The following INSL6 variants were observed in gnomAD, a reference collection of about 807,000 sequenced individuals.
The protein encoded by INSL6 is insulin-like peptide INSL6.
In INSL6, 16 loss-of-function variants were observed where a neutral mutation model predicts 9.4. The observed-to-expected ratio is 1.70, with a 90% CI of 1.15 to 2.59. The LOEUF is 2.59. INSL6 is among the 30% of genes most tolerant of loss of function. The pLI, the probability that INSL6 is intolerant of heterozygous loss-of-function variation, is 0.00. For missense variants in INSL6, 391 were observed against 257.3 expected, an observed-to-expected ratio of 1.52 and a Z score of -3.56; for synonymous variants, 154 against 96.9, an observed-to-expected ratio of 1.59 and a Z score of -3.46.
At chr9:5,164,658 C>T (rs988853510) in intron 1 of INSL6, among the ~76,000 whole-genome samples, 6 of 152,154 alleles carry the variant, frequency 3.9e-5, no homozygotes, top group African/African-American at 1.4e-4. Context: ...CCCACTATCC[C>T]CTAGCAATCA....
chr9:5,075,790 T>C, the INSL6 span, among the ~76,000 whole-genome samples: 4 of 152,184 alleles, frequency 2.6e-5, no homozygotes, highest in African/African-American at 9.7e-5. Context: ...ATCTAAGAAA[T>C]ACATTTTGTA....
chr9:5,095,690 C>T, the INSL6 span, among the ~76,000 whole-genome samples: 2 of 152,190 alleles, frequency 1.3e-5, no homozygotes, highest in African/African-American at 2.4e-5. Context: ...AGTCTCCTAT[C>T]TATCACAATC....
At chr9:5,106,532 C>T in the INSL6 span, among the ~76,000 whole-genome samples, 1 of 152,130 alleles carries the variant, frequency 6.6e-6, no homozygotes, top group African/African-American at 2.4e-5. Context: ...CCATTTGACC[C>T]AGCCATCCCA....
At chr9:5,106,240 T>A in the INSL6 span, among the ~76,000 whole-genome samples, 411 of 152,286 alleles carry the variant, frequency 2.7e-3, 1 homozygote, top group African/African-American at 9.4e-3. Context: ...GGGCAAAGGA[T>A]ATGAACAGAC....
At chr9:5,030,700 A>G in the INSL6 span, among the ~76,000 whole-genome samples, 1 of 152,132 alleles carries the variant, frequency 6.6e-6, no homozygotes, top group African/African-American at 2.4e-5. Context: ...TGTATATATA[A>G]TATTTATTAT....
At chr9:5,044,395 T>C in the INSL6 span, 14 of 1,570,258 alleles carry the variant, frequency 8.9e-6, no homozygotes, top group Non-Finnish European at 1.1e-5. Flanking sequence ...GTTTTTATTA[T>C]CTTGTAGATT....
chr9:5,145,624 A>G (rs1824587761), intron 2 of INSL6, among the ~76,000 whole-genome samples: 1 of 151,898 alleles, frequency 6.6e-6, no homozygotes, highest in Non-Finnish European at 1.5e-5. Flanking sequence ...TCTTTACACA[A>G]TCCCATATTT....
At chr9:5,125,728 T>C (rs1164367238) in intron 3 of INSL6, among the ~76,000 whole-genome samples, 1 of 151,586 alleles carries the variant, frequency 6.6e-6, no homozygotes, top group East Asian at 1.9e-4. Flanking sequence ...TTTCCATTTC[T>C]TTTCTTAATG....
the INSL6 span, among the ~76,000 whole-genome samples, chr9:5,055,188 G>A: frequency 6.6e-6 from 1 of 151,868 alleles, no homozygotes; most frequent in Admixed American, 6.6e-5. Flanking sequence ...ATAACAGAAG[G>A]CATAATTATA....
At chr9:5,174,696 A>C (rs1825258180) in intron 1 of INSL6, among the ~76,000 whole-genome samples, 1 of 152,194 alleles carries the variant, frequency 6.6e-6, no homozygotes. Context: ...TCTATCTGCA[A>C]ACAAGATGAC....
the INSL6 span, chr9:5,054,434 C>T: frequency 2.9e-6 from 2 of 683,668 alleles, no homozygotes. The surrounding 1 kb of genome is among the most constrained non-coding windows in gnomAD (Gnocchi z 4.9). Flanking sequence ...TCAACTTACG[C>T]CACTTGGCCA....
chr9:5,123,401 CGTG>C (rs1311396094), downstream of INSL6, among the ~76,000 whole-genome samples: 6 of 151,898 alleles, frequency 4.0e-5, no homozygotes, highest in Non-Finnish European at 8.8e-5. Context: ...TAAGTGAAAA[CGTG>C]GTATTTGTCT....
chr9:5,013,387 G>T, the INSL6 span, among the ~76,000 whole-genome samples: 2 of 152,160 alleles, frequency 1.3e-5, no homozygotes, highest in East Asian at 3.8e-4. Context: ...AATCAAAATG[G>T]TTATATCTTG....
the INSL6 span, among the ~76,000 whole-genome samples, chr9:5,083,819 T>C: frequency 1.3e-5 from 2 of 152,166 alleles, no homozygotes; most frequent in South Asian, 2.1e-4. Flanking sequence ...ATACTGCTTA[T>C]AGAGAAATTG....
At chr9:5,011,132 T>A in the INSL6 span, among the ~76,000 whole-genome samples, 26 of 152,332 alleles carry the variant, frequency 1.7e-4, no homozygotes, top group Admixed American at 4.6e-4. Flanking sequence ...ACTTTTTGGA[T>A]CGGTGGTTTG....
the INSL6 span, among the ~76,000 whole-genome samples, chr9:5,115,280 C>T: frequency 1.3e-5 from 2 of 152,116 alleles, no homozygotes; most frequent in Non-Finnish European, 2.9e-5. Context: ...CAAAAGAAGA[C>T]ATTTATGTGG....
chr9:5,141,875 C>A (rs1824507661), intron 2 of INSL6, among the ~76,000 whole-genome samples: 1 of 152,032 alleles, frequency 6.6e-6, no homozygotes, highest in Admixed American at 6.5e-5. Context: ...GTATTTAATC[C>A]ATTTTGTGTT....
the INSL6 span, chr9:5,054,528 G>GTT: frequency 6.7e-7 from 1 of 1,496,770 alleles, no homozygotes; most frequent in Non-Finnish European, 9.0e-7. The surrounding 1 kb of genome is among the most constrained non-coding windows in gnomAD (Gnocchi z 4.9). Flanking sequence ...TTTTTGTTTT[G>GTT]TTTTGTTTTT....
intron 2 of INSL6, among the ~76,000 whole-genome samples, chr9:5,143,454 T>C (rs567644542): frequency 6.6e-6 from 1 of 152,176 alleles, no homozygotes; most frequent in African/African-American, 2.4e-5. Context: ...ATTTCTTCTA[T>C]GTTTTCCAGT....
Sources: gnomAD v4.1 joint callset for allele counts (sites outside exome capture counted in the v4.1 genomes callset) on GRCh38, gnomAD v4.1.1 for gene constraint, Gnocchi (gnomAD v3.1) non-coding constraint, MANE v1.5 for transcripts, NCBI Gene and HGNC (gene_info 2026-07-23, HGNC 2026-07-21) for gene names.